ZNF10: variants seen among roughly 807,000 people sequenced by gnomAD.
ZNF10 encodes the protein zinc finger protein 10 (KOX 1).
ZNF10 carries 8 observed loss-of-function variants against 12.2 expected under a neutral mutation model. The observed-to-expected ratio is 0.66, with a 90% CI of 0.39 to 1.18. The LOEUF (loss-of-function observed/expected upper bound fraction) is 1.18, where lower values mean the gene tolerates loss of function less well. Among genes scored for constraint, ZNF10 ranks in the 50% most tolerant of loss-of-function variants. The pLI is 0.01. For missense variants in ZNF10, 603 were observed against 678.9 expected, an observed-to-expected ratio of 0.89 and a Z score of 1.24; for synonymous variants, 229 against 228.2, an observed-to-expected ratio of 1.00 and a Z score of -0.03.
At chr12:133,155,438 A>T in intron 4 of ZNF10, 65 bp from the exon 5 acceptor site, 1 of 1,487,204 alleles carries the variant, frequency 6.7e-7, no homozygotes, top group Non-Finnish European at 9.0e-7. Context: ...TTGTCTCCAC[A>T]TACATCCTAG....
intron 1 of ZNF10, among the ~76,000 whole-genome samples, chr12:133,132,075 A>AAG (rs1194482205): frequency 6.6e-6 from 1 of 152,224 alleles, no homozygotes; most frequent in South Asian, 2.1e-4. Flanking sequence ...CGTCCTCAAC[A>AAG]AGTTAGCACA....
chr12:133,156,969 T>C lies in ZNF10; in HGVS notation c.*1T>C. The C allele has an allele frequency of 7.1e-7, 1 of 1,412,108 alleles. No individual in the cohort carries two copies. Among genetic ancestry groups the C allele is most frequent in the Non-Finnish European group, 9.3e-7 (1 of 1,080,530 alleles). 87.5% of individuals were successfully genotyped at this position (1,412,108 alleles called of 1,614,324 possible). A position where few individuals can be genotyped will look rare whatever the true frequency, so the allele number is the denominator to read the frequency against. On this transcript the variant is annotated 3_prime_UTR_variant, in exon 5 of 5. Coordinates refer to ENST00000248211, the MANE Select transcript of ZNF10 (RefSeq NM_015394.5). Reference sequence around the variant, plus strand: ...TCATATTAGAGAAAATGCTTACTAATAAATATGGGAATTTTTCACAAAGAG... The same window carrying C: ...TCATATTAGAGAAAATGCTTACTAACAAATATGGGAATTTTTCACAAAGAG...
chr12:133,142,850 A>G (rs1566346129), intron 1 of ZNF10, among the ~76,000 whole-genome samples: 2 of 152,218 alleles, frequency 1.3e-5, no homozygotes, highest in Non-Finnish European at 2.9e-5. Context: ...CTAGGTGTAT[A>G]TCCAAGGGAA....
At chr12:133,131,481 TAA>T (rs892558810) in intron 1 of ZNF10, among the ~76,000 whole-genome samples, 2 of 143,982 alleles carry the variant, frequency 1.4e-5, no homozygotes, top group African/African-American at 2.5e-5. Context: ...TACTGTTAAT[TAA>T]AAAAAAAAAA....
chr12:133,139,865 G>A (rs1414249554), intron 1 of ZNF10, among the ~76,000 whole-genome samples: 1 of 152,064 alleles, frequency 6.6e-6, no homozygotes, highest in East Asian at 1.9e-4. Flanking sequence ...TTCTAGACTA[G>A]CCTGGGCAAC....
At chr12:133,138,797 A>G (rs1281565804) in intron 1 of ZNF10, among the ~76,000 whole-genome samples, 4 of 152,116 alleles carry the variant, frequency 2.6e-5, no homozygotes, top group Non-Finnish European at 4.4e-5. Context: ...AGCCCCTAGG[A>G]TAGTACTTGG....
chr12:133,142,804 C>A (rs1955954022), intron 1 of ZNF10, among the ~76,000 whole-genome samples: 1 of 152,124 alleles, frequency 6.6e-6, no homozygotes, highest in Non-Finnish European at 1.5e-5. Context: ...CCTCAAAAAG[C>A]TAAACATAAA....
intron 1 of ZNF10, 145 bp downstream of exon 1, chr12:133,130,899 C>T (rs1319306392): frequency 1.3e-5 from 2 of 152,236 alleles, no homozygotes; most frequent in African/African-American, 4.8e-5. Context: ...ATCGTCACCC[C>T]TTGCCTCAGT....
At chr12:133,138,492 G>A (rs990448143) in intron 1 of ZNF10, among the ~76,000 whole-genome samples, 1 of 151,834 alleles carries the variant, frequency 6.6e-6, no homozygotes, top group Non-Finnish European at 1.5e-5. Context: ...TAACCTCCCT[G>A]GGATGCCAGT....
At position 133,156,833 on chromosome 12, in the gene ZNF10, C is replaced by T. The variant is rs2135466145; in HGVS notation, c.1587C>T (p.Asn529=). 6.5e-7 allele frequency: 1 copy of T among 1,539,608 alleles called. No homozygotes were observed. Among genetic ancestry groups the T allele is most frequent in the Non-Finnish European group, 8.7e-7 (1 of 1,147,346 alleles). The change falls in exon 5 of 5, where the codon AAC becomes AAT. Residue 529 remains asparagine, a synonymous_variant. Transcript: ENST00000248211. ...AATGTGGCATTATCTTCAGCCAGAA[C>T]TCTCCATTTATAGTTCATCAAATAG... is the stretch of plus-strand genomic sequence containing the variant. ...CNQCGIIFSQ[N]SPFIVHQIAH...
chr12:133,137,097 C>T (rs1238688308), intron 1 of ZNF10, among the ~76,000 whole-genome samples: 1 of 152,194 alleles, frequency 6.6e-6, no homozygotes. Context: ...TTCTCACACC[C>T]ACATTCAGTC....
intron 2 of ZNF10, among the ~76,000 whole-genome samples, chr12:133,149,090 GGTTT>G (rs1210852773): frequency 8.6e-5 from 13 of 151,182 alleles, no homozygotes; most frequent in African/African-American, 1.9e-4. Flanking sequence ...TGAGGCTTGT[GGTTT>G]GTTTGTTTGT....
intron 2 of ZNF10, among the ~76,000 whole-genome samples, chr12:133,147,759 G>T (rs1467684323): frequency 6.6e-6 from 1 of 151,514 alleles, no homozygotes; most frequent in Non-Finnish European, 1.5e-5. Flanking sequence ...GGGACTACAG[G>T]TGCATGACGC....
At chr12:133,144,273 G>T in intron 1 of ZNF10, 161 bp from the exon 2 acceptor site, 2 of 406,402 alleles carry the variant, frequency 4.9e-6, no homozygotes, top group South Asian at 1.1e-4. Context: ...TAATCTTGGG[G>T]AGCTTCGGGC....
intron 1 of ZNF10, among the ~76,000 whole-genome samples, chr12:133,139,909 T>C (rs1328160935): frequency 6.6e-6 from 1 of 151,836 alleles, no homozygotes; most frequent in Non-Finnish European, 1.5e-5. Flanking sequence ...AAAAAAATTT[T>C]TTTAATTAGC....
chr12:133,141,773 T>C (rs928877843), intron 1 of ZNF10, among the ~76,000 whole-genome samples: 2 of 152,046 alleles, frequency 1.3e-5, no homozygotes, highest in African/African-American at 4.8e-5. Flanking sequence ...TGGAGAAATA[T>C]ATGAAGAAAT....
intron 1 of ZNF10, among the ~76,000 whole-genome samples, chr12:133,135,472 G>A (rs900665352): frequency 2.0e-5 from 3 of 152,122 alleles, no homozygotes; most frequent in African/African-American, 7.2e-5. Context: ...CCAGGACTTC[G>A]TTATATGAGC....
chr12:133,140,799 A>G (rs1470415300), intron 1 of ZNF10, among the ~76,000 whole-genome samples: 1 of 151,778 alleles, frequency 6.6e-6, no homozygotes, highest in Non-Finnish European at 1.5e-5. Context: ...CTGTCTTCTG[A>G]AGATTTAAGG....
At chr12:133,149,349 T>C (rs993923163) in intron 2 of ZNF10, among the ~76,000 whole-genome samples, 3 of 146,216 alleles carry the variant, frequency 2.1e-5, no homozygotes, top group Non-Finnish European at 3.0e-5. Flanking sequence ...GTTTTTGCTA[T>C]TGCTTTTTTT....
Sources: allele counts gnomAD v4.1 joint callset (sites outside exome capture counted in the v4.1 genomes callset), GRCh38; gene constraint gnomAD v4.1.1; transcripts MANE v1.5; gene names NCBI Gene and HGNC (gene_info 2026-07-23, HGNC 2026-07-21).